TLK2: variants seen among roughly 807,000 people sequenced by gnomAD.
TLK2 encodes the protein serine/threonine-protein kinase tousled-like 2.
Under a neutral mutation model 117.3 loss-of-function variants are expected in TLK2, and 6 were observed. That is an observed-to-expected ratio of 0.05 (90% CI 0.03 to 0.10). The LOEUF is 0.10. Among genes scored for constraint, TLK2 ranks in the 10% least tolerant of loss-of-function variants. The pLI, the probability that TLK2 is intolerant of heterozygous loss-of-function variation, is 1.00. For synonymous variants in TLK2, 257 were observed against 316.7 expected (o/e 0.81, Z 2.00); for missense variants, 299 against 901.2 (o/e 0.33, Z 8.56).
intron 10 of TLK2, among the ~76,000 whole-genome samples, chr17:62,564,259 C>T (rs56056336): frequency 0.043 from 6,564 of 151,866 alleles, 153 homozygotes; most frequent in Middle Eastern, 0.11. Flanking sequence ...AAAAATTGGC[C>T]GGGTGTGGTG....
intron 6 of TLK2, among the ~76,000 whole-genome samples, chr17:62,524,724 A>G (rs1598380210): frequency 6.6e-6 from 1 of 152,212 alleles, no homozygotes; most frequent in South Asian, 2.1e-4. Context: ...AATGTACTAG[A>G]AAAACTAATG....
intron 2 of TLK2, among the ~76,000 whole-genome samples, chr17:62,512,861 AATT>A (rs35048188): frequency 0.013 from 1,856 of 141,142 alleles, 47 homozygotes; most frequent in African/African-American, 0.042. Flanking sequence ...AAAATTTATT[AATT>A]ATTATTATTA....
chr17:62,609,344 A>G lies in TLK2; in HGVS notation c.2079+1196A>G, dbSNP rs140532161. ...AGCCATCCGCCTGCCTCAGCCTCCA[A>G]AGTGCTAGAATTATAGGTATGAGCC... On this transcript the variant is annotated intron_variant, in intron 21 of 21. Transcript: ENST00000346027. Among the ~76,000 whole-genome samples, 794 of 152,144 alleles carry G rather than the reference A, an allele frequency of 5.2e-3. 4 individuals carry two copies. Among genetic ancestry groups the G allele is most frequent in the Middle Eastern group, 0.014 (4 of 294 alleles).
chr17:62,557,159 A>T (rs900149828), intron 9 of TLK2, among the ~76,000 whole-genome samples: 2 of 152,162 alleles, frequency 1.3e-5, no homozygotes, highest in Non-Finnish European at 2.9e-5. Context: ...TCTTGGGCTC[A>T]AGCAAACCTC....
At chr17:62,527,893 C>A (rs1326056824) in intron 6 of TLK2, among the ~76,000 whole-genome samples, 2 of 152,164 alleles carry the variant, frequency 1.3e-5, no homozygotes, top group African/African-American at 4.8e-5. Flanking sequence ...CAGACACGCG[C>A]CACCACGCCC....
rs2083930853 is a variant in TLK2, at chr17:62,613,496, C to CTGGACA, written c.*932_*933insGGACAT. On this transcript the variant is annotated 3_prime_UTR_variant, in exon 22 of 22. Coordinates refer to ENST00000346027, the MANE Select transcript of TLK2 (RefSeq NM_006852.6). ...AAGGTTCATCTGTCCATGCAGTCCT[C>CTGGACA]TTGGATTCTCTGAATGTAGTAACTA... is the stretch of plus-strand genomic sequence containing the variant. 3 of 152,582 alleles carry CTGGACA rather than the reference C, an allele frequency of 2.0e-5. No homozygotes were observed. The highest frequency in any genetic ancestry group is 4.4e-5 in the Non-Finnish European group (3 of 68,036). The allele number at this position is 152,582 out of a possible 1,614,324, so 9.5% of individuals were successfully genotyped here.
At chr17:62,528,469 T>G (rs1167688445) in intron 6 of TLK2, among the ~76,000 whole-genome samples, 3 of 152,118 alleles carry the variant, frequency 2.0e-5, no homozygotes, top group Non-Finnish European at 4.4e-5. Context: ...CAGGCTGGAG[T>G]GCAGTGGCGC....
At chr17:62,554,646 T>C (rs906348855) in intron 9 of TLK2, among the ~76,000 whole-genome samples, 1 of 152,084 alleles carries the variant, frequency 6.6e-6, no homozygotes, top group African/African-American at 2.4e-5. Flanking sequence ...TTTGGGAGGC[T>C]GAGGCAGGAG....
chr17:62,485,823 T>TA (rs1178285112), intron 2 of TLK2, among the ~76,000 whole-genome samples: 2 of 147,606 alleles, frequency 1.4e-5, no homozygotes, highest in Non-Finnish European at 3.0e-5. Context: ...CTGGTTTTTT[T>TA]TTTTTTTTTT....
rs554404397 is a variant in TLK2 at position 62,523,599 on chromosome 17, G to A, written c.267+422G>A. Among the ~76,000 whole-genome samples, 17 of 152,136 alleles carry A rather than the reference G, an allele frequency of 1.1e-4. No individual in the cohort carries two copies. In the East Asian group the frequency reaches 2.9e-3, roughly 26 times the overall value. On this transcript the variant is annotated intron_variant, in intron 5 of 21. Transcript: ENST00000346027. ...CAAAAAAAAGAAAGAAAGAAAGAAA[G>A]TAATGTTTTGCCTTTACTGTACTCT... is the stretch of plus-strand genomic sequence containing the variant.
chr17:62,568,872 C>G (rs922857529), intron 11 of TLK2, among the ~76,000 whole-genome samples: 1 of 152,012 alleles, frequency 6.6e-6, no homozygotes. Flanking sequence ...AAGCAATTTA[C>G]GTCAAACCAT....
chr17:62,504,309 A>G (rs985494919), intron 2 of TLK2, among the ~76,000 whole-genome samples: 5 of 152,170 alleles, frequency 3.3e-5, no homozygotes, highest in African/African-American at 1.2e-4. Context: ...TCCATAAGGT[A>G]GGTGGTTTTT....
At chr17:62,571,514 G>A (rs904400692) in intron 11 of TLK2, among the ~76,000 whole-genome samples, 3 of 151,982 alleles carry the variant, frequency 2.0e-5, no homozygotes, top group Admixed American at 2.0e-4. Context: ...TAGGGATGAG[G>A]AGGTCTAGCT....
upstream of TLK2, among the ~76,000 whole-genome samples, chr17:62,475,690 C>G (rs1404276866): frequency 1.3e-5 from 2 of 151,206 alleles, no homozygotes; most frequent in Non-Finnish European, 2.9e-5. Context: ...GACGGAGTCT[C>G]GCTCTGTCAC....
At chr17:62,495,464 G>A (rs2073554694) in intron 2 of TLK2, among the ~76,000 whole-genome samples, 1 of 151,306 alleles carries the variant, frequency 6.6e-6, no homozygotes, top group South Asian at 2.1e-4. Flanking sequence ...ACCCAGGCTG[G>A]AGTGCAGTGG....
At chr17:62,502,634 T>C (rs2258252) in intron 2 of TLK2, among the ~76,000 whole-genome samples, 142,283 of 152,216 alleles carry the variant, frequency 0.93, 67,258 homozygotes, top group East Asian at 1. Context: ...ACACATAGCC[T>C]TAAGCAAGCT....
intron 2 of TLK2, among the ~76,000 whole-genome samples, chr17:62,514,777 C>G (rs1232244321): frequency 6.6e-6 from 1 of 152,056 alleles, no homozygotes; most frequent in Non-Finnish European, 1.5e-5. Context: ...TGGGGTTTCG[C>G]CATGTTGGCC....
At chr17:62,477,968 G>A (rs1017586636), upstream of TLK2, 6 of 152,182 alleles carry the variant, frequency 3.9e-5, no homozygotes, top group Admixed American at 3.9e-4. Context: ...GGTGCCCGGG[G>A]AGAGTACCTT....
chr17:62,478,493 G>C (rs1218682844), upstream of TLK2, among the ~76,000 whole-genome samples: 1 of 149,914 alleles, frequency 6.7e-6, no homozygotes, highest in Non-Finnish European at 1.5e-5. Context: ...CTCCGGCCTC[G>C]GGCAGTCGCA....
Sources: gnomAD v4.1 joint callset for allele counts (sites outside exome capture counted in the v4.1 genomes callset) on GRCh38, gnomAD v4.1.1 for gene constraint, MANE v1.5 for transcripts, NCBI Gene and HGNC (gene_info 2026-07-23, HGNC 2026-07-21) for gene names.